ANO7: variants seen among roughly 807,000 people sequenced by gnomAD.
The protein encoded by ANO7 is anoctamin-7.
Under a neutral mutation model 115.8 loss-of-function variants are expected in ANO7, and 114 were observed. The ratio of observed to expected loss-of-function variants is 0.98; its 90% CI spans 0.85 to 1.15. The LOEUF is 1.15. Ranked by LOEUF, ANO7 falls within the 50% of genes most tolerant of loss-of-function variation. ANO7 has a pLI of 0.00. For synonymous variants in ANO7, 550 were observed against 498.2 expected, an observed-to-expected ratio of 1.10 and a Z score of -1.38; for missense variants, 1,302 against 1,201.2, an observed-to-expected ratio of 1.08 and a Z score of -1.24.
intron 21 of ANO7, among the ~76,000 whole-genome samples, chr2:241,221,851 A>G (rs1302800912): frequency 6.2e-5 from 9 of 145,696 alleles, no homozygotes; most frequent in East Asian, 4.1e-4. Context: ...CTACTCTTTT[A>G]TATTTTTAGT....
chr2:241,236,848 G>T, the ANO7 span: 1 of 1,467,968 alleles, frequency 6.8e-7, no homozygotes, highest in Non-Finnish European at 9.4e-7. Flanking sequence ...ATATGTCTGT[G>T]AGGCACCTGC....
chr2:241,198,673 CTG>C (rs2068398231), intron 4 of ANO7, among the ~76,000 whole-genome samples: 1 of 152,218 alleles, frequency 6.6e-6, no homozygotes, highest in Non-Finnish European at 1.5e-5. Context: ...CCCCAGATGG[CTG>C]TGAGGGCTGA....
rs116085954 is a variant in ANO7, at chr2:241,216,186, C to T, written c.1920C>T (p.Asp640=). The T allele has an allele frequency of 1.3e-3, 2,144 of 1,612,874 alleles. 23 individuals carry two copies. In the African/African-American group the frequency reaches 0.024, roughly 18 times the overall value. ...GGGCTAGCCAGGGGCCCTGGGAGGACGACTATGAGCTTGTGCCCTGTGAGG... is the reference window on the plus strand; with the variant it reads ...GGGCTAGCCAGGGGCCCTGGGAGGATGACTATGAGCTTGTGCCCTGTGAGG... ...SAGASQGPWE[D]DYELVPCEGL... Residue 640 remains aspartate, a synonymous_variant, in exon 19 of 25, where the codon GAC becomes GAT. Transcript: ENST00000674324.
chr2:241,229,682 A>G (rs371521787), downstream of ANO7: 6 of 1,614,012 alleles, frequency 3.7e-6, no homozygotes, highest in African/African-American at 8.0e-5. Flanking sequence ...TGCTCATGTC[A>G]GGAGCCTGTG....
At chr2:241,216,873 G>A (rs1381090593) in intron 19 of ANO7, among the ~76,000 whole-genome samples, 6 of 152,140 alleles carry the variant, frequency 3.9e-5, no homozygotes, top group Non-Finnish European at 5.9e-5. Context: ...TCCCTCTGTC[G>A]CCCAGGCTGG....
intron 18 of ANO7, 137 bp from the exon 19 acceptor site, chr2:241,215,956 C>A (rs1440068140): frequency 8.9e-6 from 10 of 1,121,746 alleles, no homozygotes; most frequent in Middle Eastern, 5.6e-4. Flanking sequence ...ACCCCTCAGC[C>A]CCAGACCCCA....
At chr2:241,239,605 G>C in the ANO7 span, 26 of 1,613,740 alleles carry the variant, frequency 1.6e-5, no homozygotes, top group Non-Finnish European at 2.2e-5. This position sits in a 1 kb window ranked among gnomAD's most constrained non-coding sequence, Gnocchi z 4.6. Context: ...TGCCTACCAG[G>C]TCCTCAATGA....
At chr2:241,220,848 G>A (rs1180798626) in intron 21 of ANO7, among the ~76,000 whole-genome samples, 1 of 151,276 alleles carries the variant, frequency 6.6e-6, no homozygotes, top group Non-Finnish European at 1.5e-5. Flanking sequence ...GTTCACGCCT[G>A]TAATCTCAGC....
chr2:241,212,345 G>C, intron 16 of ANO7, 140 bp downstream of exon 16: 7 of 950,150 alleles, frequency 7.4e-6, no homozygotes, highest in Non-Finnish European at 1.1e-5. Flanking sequence ...CAGGGGACAG[G>C]GGCCCATGCC....
intron 19 of ANO7, 63 bp from the exon 20 acceptor site, chr2:241,217,623 G>A (rs1410059653): frequency 4.0e-6 from 6 of 1,516,622 alleles, no homozygotes; most frequent in African/African-American, 1.4e-5. Context: ...TCCGCGGGGG[G>A]CGCGTTCCGA....
intron 2 of ANO7, 131 bp downstream of exon 2, chr2:241,190,302 C>T: frequency 1.4e-6 from 1 of 740,006 alleles, no homozygotes; most frequent in Non-Finnish European, 2.2e-6. Flanking sequence ...CCCCCGGCAA[C>T]CCCCAAGCCC....
At chr2:241,200,286 A>C (rs972245405) in intron 6 of ANO7, 61 bp downstream of exon 6, 1 of 1,570,592 alleles carries the variant, frequency 6.4e-7, no homozygotes, top group Admixed American at 1.8e-5. Flanking sequence ...TCGGTGAATG[A>C]GTGAGCGGAA....
At chr2:241,226,149 C>T (rs2069164364), downstream of ANO7, among the ~76,000 whole-genome samples, 1 of 151,846 alleles carries the variant, frequency 6.6e-6, no homozygotes, top group Non-Finnish European at 1.5e-5. Context: ...CATCCAGGGC[C>T]CTGATGCCCA....
At chr2:241,207,887 G>A (rs2068628825) in intron 11 of ANO7, among the ~76,000 whole-genome samples, 1 of 152,180 alleles carries the variant, frequency 6.6e-6, no homozygotes, top group Admixed American at 6.5e-5. Context: ...AGTGGCCCAT[G>A]TTAGTGCTTC....
At chr2:241,214,452 G>A (rs142786222) in intron 17 of ANO7, among the ~76,000 whole-genome samples, 150 of 152,328 alleles carry the variant, frequency 9.8e-4, no homozygotes, top group Non-Finnish European at 1.8e-3. Context: ...CCACTGGCTC[G>A]AACTGGGTCA....
the ANO7 span, chr2:241,239,471 G>GC: frequency 4.3e-6 from 3 of 692,390 alleles, no homozygotes; most frequent in African/African-American, 5.4e-5. This position sits in a 1 kb window ranked among gnomAD's most constrained non-coding sequence, Gnocchi z 4.6. Context: ...GCACCAGAAA[G>GC]CCCCTTCTGA....
At chr2:241,239,156 C>G in the ANO7 span, among the ~76,000 whole-genome samples, 2 of 152,190 alleles carry the variant, frequency 1.3e-5, no homozygotes, top group Non-Finnish European at 2.9e-5. The surrounding 1 kb of genome is among the most constrained non-coding windows in gnomAD (Gnocchi z 4.6). Flanking sequence ...GGGACACTCT[C>G]TAAAGACTGC....
chr2:241,196,838 CGTGTGTGTGTGTGTGT>C (rs60120827), intron 4 of ANO7, among the ~76,000 whole-genome samples: 5,115 of 146,960 alleles, frequency 0.035, 283 homozygotes, highest in African/African-American at 0.12. Flanking sequence ...TCAATTCATT[CGTGTGTGTGTGTGTGT>C]GTGTGTGTGT....
At position 241,217,773 on chromosome 2, in the gene ANO7, G is replaced by C; in HGVS notation, c.2060G>C (p.Arg687Pro). ...FALLNNWVEI[R>P]LDARKFVCEY... Reference sequence around the variant, plus strand: ...CTGCTCAACAACTGGGTGGAGATCCGCTTGGACGCGCGCAAGTTCGTCTGC... The same window carrying C: ...CTGCTCAACAACTGGGTGGAGATCCCCTTGGACGCGCGCAAGTTCGTCTGC... The change falls in exon 20 of 25, where the codon CGC becomes CCC. Residue 687 changes from arginine (R) to proline (P), a missense_variant. Arg to Pro is a moderately radical substitution (Grantham distance 103). Coordinates refer to ENST00000674324, the MANE Select transcript of ANO7 (RefSeq NM_001370694.2). 1 of 1,609,268 alleles carries C rather than the reference G, an allele frequency of 6.2e-7. No individual in the cohort carries two copies. Among genetic ancestry groups the C allele is most frequent in the Non-Finnish European group, 8.5e-7 (1 of 1,178,486 alleles).
Sources: gnomAD v4.1 joint callset for allele counts (sites outside exome capture counted in the v4.1 genomes callset) on GRCh38, gnomAD v4.1.1 for gene constraint, Gnocchi (gnomAD v3.1) non-coding constraint, MANE v1.5 for transcripts, NCBI Gene and HGNC (gene_info 2026-07-23, HGNC 2026-07-21) for gene names.